The following BICC1 variants were observed in gnomAD, a reference collection of about 807,000 sequenced individuals.
BICC1 encodes BicC family RNA binding protein 1.
A neutral mutation model predicts 111.0 loss-of-function variants in BICC1; 43 were observed. The observed-to-expected ratio is 0.39, with a 90% confidence interval of 0.30 to 0.50. The LOEUF (loss-of-function observed/expected upper bound fraction) is 0.50, where lower values mean the gene tolerates loss of function less well. Among genes scored for constraint, BICC1 ranks in the 20% least tolerant of loss-of-function variants. The probability of loss-of-function intolerance (pLI) is 0.88; values close to 1 mark genes in which losing one functional copy is unlikely to be tolerated. For missense variants in BICC1, 1,091 were observed against 1,203.2 expected (o/e 0.91, Z 1.38); for synonymous variants, 467 against 434.4 (o/e 1.07, Z -0.93).
chr10:58,614,512 G>A (rs1190054975), intron 1 of BICC1, among the ~76,000 whole-genome samples: 1 of 152,156 alleles, frequency 6.6e-6, no homozygotes, highest in Non-Finnish European at 1.5e-5. Context: ...TGCCATTTCT[G>A]GCTTCTTGCC....
intron 3 of BICC1, among the ~76,000 whole-genome samples, chr10:58,718,773 C>T (rs1203952412): frequency 0.032 from 2,335 of 73,160 alleles, 66 homozygotes; most frequent in African/African-American, 0.15. Flanking sequence ...TGTGCGCGCG[C>T]GCGTGCGCGC....
chr10:58,518,622 G>A (rs772195108), intron 1 of BICC1, among the ~76,000 whole-genome samples: 39 of 148,594 alleles, frequency 2.6e-4, no homozygotes, highest in Non-Finnish European at 4.8e-4. Context: ...ATGTGTTTTA[G>A]TGAAAGTCTT....
At chr10:58,793,915 A>C (rs1843262468) in intron 9 of BICC1, among the ~76,000 whole-genome samples, 1 of 152,156 alleles carries the variant, frequency 6.6e-6, no homozygotes, top group African/African-American at 2.4e-5. Context: ...CAGGCATTTC[A>C]GATAAGGGAA....
chr10:58,680,176 G>T (rs943939061), intron 2 of BICC1, among the ~76,000 whole-genome samples: 6 of 152,120 alleles, frequency 3.9e-5, no homozygotes, highest in Admixed American at 2.0e-4. Context: ...TTCTGGCCAG[G>T]GCAATCAGGC....
intron 1 of BICC1, among the ~76,000 whole-genome samples, chr10:58,570,949 T>A (rs1843930053): frequency 6.6e-6 from 1 of 152,152 alleles, no homozygotes; most frequent in African/African-American, 2.4e-5. Context: ...GTTTTGCTCT[T>A]TTTGGGTAGA....
chr10:58,656,460 G>C (rs1424714035), intron 2 of BICC1, among the ~76,000 whole-genome samples: 1 of 149,778 alleles, frequency 6.7e-6, no homozygotes, highest in African/African-American at 2.5e-5. Context: ...ATAAAATACT[G>C]GCAAAATGAA....
chr10:58,622,625 C>A (rs746763669), intron 2 of BICC1, among the ~76,000 whole-genome samples: 3 of 152,156 alleles, frequency 2.0e-5, no homozygotes, highest in Non-Finnish European at 2.9e-5. Flanking sequence ...TGGGAACTGT[C>A]TTTTCCATAG....
chr10:58,638,720 T>G (rs943806590), intron 2 of BICC1, among the ~76,000 whole-genome samples: 9 of 152,156 alleles, frequency 5.9e-5, no homozygotes, highest in African/African-American at 2.2e-4. Flanking sequence ...AGAGCACCAA[T>G]GAGGAGAAAG....
intron 1 of BICC1, among the ~76,000 whole-genome samples, chr10:58,574,529 A>G (rs913091337): frequency 6.6e-5 from 10 of 152,160 alleles, no homozygotes; most frequent in African/African-American, 1.7e-4. Context: ...ATACATATGC[A>G]TAAGTATTAA....
intron 1 of BICC1, among the ~76,000 whole-genome samples, chr10:58,600,387 C>G (rs899828878): frequency 2.0e-5 from 3 of 152,034 alleles, no homozygotes; most frequent in Non-Finnish European, 2.9e-5. Flanking sequence ...TGGAGAGATT[C>G]AGGCTGTCTC....
intron 20 of BICC1, among the ~76,000 whole-genome samples, chr10:58,825,064 T>C (rs1021288196): frequency 2.6e-5 from 4 of 152,214 alleles, no homozygotes; most frequent in African/African-American, 9.6e-5. Flanking sequence ...ACCTCAGGTT[T>C]TCCCTGAAAT....
chr10:58,766,278 G>A (rs1252507321), intron 3 of BICC1, among the ~76,000 whole-genome samples: 1 of 152,076 alleles, frequency 6.6e-6, no homozygotes, highest in Non-Finnish European at 1.5e-5. Context: ...CCATGGGGTG[G>A]GGATGAAAAG....
intron 2 of BICC1, among the ~76,000 whole-genome samples, chr10:58,695,238 G>C (rs1992156): frequency 0.98 from 148,782 of 152,232 alleles, 72,819 homozygotes; most frequent in Middle Eastern, 1. Context: ...TTTAGACGCC[G>C]CCTCGAGTGA....
intron 10 of BICC1, 31 bp from the exon 11 acceptor site, chr10:58,798,368 T>A: frequency 6.7e-7 from 1 of 1,500,000 alleles, no homozygotes; most frequent in Non-Finnish European, 8.9e-7. Flanking sequence ...TAAATTTATG[T>A]GAATTGACTT....
intron 1 of BICC1, among the ~76,000 whole-genome samples, chr10:58,525,734 A>G (rs3001714): frequency 0.46 from 69,453 of 151,282 alleles, 17,047 homozygotes; most frequent in Admixed American, 0.62. Context: ...AAAGCAATAC[A>G]AGGAAGCTTT....
At chr10:58,797,889 GTA>G (rs1843408593) in intron 10 of BICC1, among the ~76,000 whole-genome samples, 1 of 152,148 alleles carries the variant, frequency 6.6e-6, no homozygotes, top group African/African-American at 2.4e-5. Context: ...GGGAAGTCAT[GTA>G]TATGTTTTGA....
At chr10:58,603,524 T>C (rs952540572) in intron 1 of BICC1, among the ~76,000 whole-genome samples, 4 of 152,178 alleles carry the variant, frequency 2.6e-5, no homozygotes, top group Non-Finnish European at 4.4e-5. Flanking sequence ...TTCAAGTAAG[T>C]TGGTATGCCG....
chr10:58,574,700 T>C (rs1289739514), intron 1 of BICC1, among the ~76,000 whole-genome samples: 1 of 152,174 alleles, frequency 6.6e-6, no homozygotes, highest in African/African-American at 2.4e-5. Context: ...GAGACAATTT[T>C]AATAGATTTA....
chr10:58,567,729 T>A (rs1244742976), intron 1 of BICC1, among the ~76,000 whole-genome samples: 1 of 152,066 alleles, frequency 6.6e-6, no homozygotes, highest in African/African-American at 2.4e-5. Flanking sequence ...ACTTAAATAC[T>A]TATAGTTAAT....
Sources: gnomAD v4.1 joint callset for allele counts (sites outside exome capture counted in the v4.1 genomes callset) on GRCh38, gnomAD v4.1.1 for gene constraint, MANE v1.5 for transcripts, NCBI Gene and HGNC (gene_info 2026-07-23, HGNC 2026-07-21) for gene names.